HPGDS: variants seen among roughly 807,000 people sequenced by gnomAD.
HPGDS encodes GST class-sigma.
In HPGDS, 26 loss-of-function variants were observed where a neutral mutation model predicts 23.1. The observed-to-expected ratio is 1.13, with a 90% CI of 0.83 to 1.56. HPGDS has a LOEUF of 1.56. Ranked by LOEUF, HPGDS falls within the 40% of genes most tolerant of loss-of-function variation. The pLI is 0.00. For synonymous variants in HPGDS, 95 were observed against 77.9 expected (o/e 1.22, Z -1.16); for missense variants, 268 against 236.4 (o/e 1.13, Z -0.88).
intron 5 of HPGDS, among the ~76,000 whole-genome samples, chr4:94,299,977 G>A (rs1301684170): frequency 2.6e-5 from 4 of 152,048 alleles, no homozygotes; most frequent in South Asian, 2.1e-4. Context: ...TAACCAATAC[G>A]TATTTTTCCA....
intron 4 of HPGDS, among the ~76,000 whole-genome samples, chr4:94,306,300 C>T (rs1579426820): frequency 6.6e-6 from 1 of 152,114 alleles, no homozygotes; most frequent in East Asian, 1.9e-4. Flanking sequence ...ATAAAGACGT[C>T]TATTTAGAAT....
intron 2 of HPGDS, among the ~76,000 whole-genome samples, chr4:94,325,565 C>T (rs1216385540): frequency 6.6e-6 from 1 of 152,150 alleles, no homozygotes; most frequent in East Asian, 1.9e-4. Flanking sequence ...GAGCAAGGCT[C>T]CGTGGGCATG....
chr4:94,324,438 T>C (rs1756586410), intron 2 of HPGDS, among the ~76,000 whole-genome samples: 1 of 152,230 alleles, frequency 6.6e-6, no homozygotes, highest in African/African-American at 2.4e-5. Flanking sequence ...CGCATGTTTC[T>C]TGGAGACTTT....
At chr4:94,308,838 A>G in intron 3 of HPGDS, 95 bp from the exon 4 acceptor site, 1 of 623,166 alleles carries the variant, frequency 1.6e-6, no homozygotes, top group Non-Finnish European at 2.8e-6. Flanking sequence ...TGAAAATTCA[A>G]AGAGTGTAAA....
rs370313850 is a variant in HPGDS at position 94,306,470 on chromosome 4, G to A, written c.336+2164C>T. ...AAGCTAGTAAGCAGATGGGTGAATG[G>A]CACCTGTGAAGGGAAAGCCAAGAAC... On this transcript the variant is annotated intron_variant, in intron 4 of 5. Coordinates refer to ENST00000295256, the MANE Select transcript of HPGDS (RefSeq NM_014485.3). Among the ~76,000 whole-genome samples, 6 of 152,086 alleles carry A rather than the reference G, an allele frequency of 3.9e-5. No homozygotes were observed. The East Asian group carries it at 7.7e-4, about 20-fold the overall frequency.
intron 2 of HPGDS, among the ~76,000 whole-genome samples, chr4:94,330,610 C>G (rs2126044764): frequency 6.6e-6 from 1 of 152,100 alleles, no homozygotes; most frequent in Admixed American, 6.5e-5. Flanking sequence ...AATTAGTCTC[C>G]CTTCTATTTT....
chr4:94,331,522 A>G (rs1756736475), intron 2 of HPGDS, among the ~76,000 whole-genome samples: 1 of 152,198 alleles, frequency 6.6e-6, no homozygotes, highest in African/African-American at 2.4e-5. Flanking sequence ...GGGCTTGCCA[A>G]CAGATTGGGC....
intron 4 of HPGDS, among the ~76,000 whole-genome samples, chr4:94,305,227 T>A (rs1272356105): frequency 1.3e-5 from 2 of 151,984 alleles, no homozygotes; most frequent in Non-Finnish European, 2.9e-5. Flanking sequence ...AAATAGGGAG[T>A]TAAGTGACAG....
At chr4:94,307,767 GA>G (rs1280107844) in intron 4 of HPGDS, among the ~76,000 whole-genome samples, 1 of 152,084 alleles carries the variant, frequency 6.6e-6, no homozygotes, top group Non-Finnish European at 1.5e-5. Flanking sequence ...CAGTAAAAGT[GA>G]AAAGAAGCAA....
Position 94,323,718 on chromosome 4 carries a change from G to A in HPGDS, c.134-5753C>T, listed in dbSNP as rs922479852. 7.9e-5 allele frequency among the ~76,000 whole-genome samples: 12 copies of A among 152,112 alleles called. No individual in the cohort carries two copies. The South Asian group carries it at 1.0e-3, about 13-fold the overall frequency. ...CTGATGGGTCTTGAGTCTTTATCCAGTTTGCCAGTCTGTGTCTTTTAATTG... is the reference window on the plus strand; with the variant it reads ...CTGATGGGTCTTGAGTCTTTATCCAATTTGCCAGTCTGTGTCTTTTAATTG... On this transcript the variant is annotated intron_variant, in intron 2 of 5. Transcript: ENST00000295256.
At chr4:94,312,960 C>T (rs1297219904) in intron 3 of HPGDS, among the ~76,000 whole-genome samples, 96 of 145,218 alleles carry the variant, frequency 6.6e-4, no homozygotes, top group Admixed American at 1.0e-3. Context: ...GATTGCAACC[C>T]CTGCTTTTTT....
At chr4:94,342,357 T>TA (rs1181474634) in intron 1 of HPGDS, among the ~76,000 whole-genome samples, 2 of 152,136 alleles carry the variant, frequency 1.3e-5, no homozygotes, top group Non-Finnish European at 2.9e-5. Flanking sequence ...TGCCTTAAAA[T>TA]AATATAAAAT....
At chr4:94,331,075 G>C (rs1485659841) in intron 2 of HPGDS, among the ~76,000 whole-genome samples, 1 of 152,196 alleles carries the variant, frequency 6.6e-6, no homozygotes, top group African/African-American at 2.4e-5. Context: ...AACACAGTTT[G>C]AACACTCAGC....
At chr4:94,331,230 A>G (rs1756730702) in intron 2 of HPGDS, among the ~76,000 whole-genome samples, 1 of 152,208 alleles carries the variant, frequency 6.6e-6, no homozygotes. Flanking sequence ...ATATAGTAGT[A>G]CAGAGTCCTT....
At chr4:94,328,669 T>C (rs1756682337) in intron 2 of HPGDS, among the ~76,000 whole-genome samples, 1 of 152,264 alleles carries the variant, frequency 6.6e-6, no homozygotes, top group South Asian at 2.1e-4. Flanking sequence ...TCAAGTTTTG[T>C]AAATCACTTT....
intron 2 of HPGDS, among the ~76,000 whole-genome samples, chr4:94,321,385 C>T (rs1182876935): frequency 6.6e-6 from 1 of 152,144 alleles, no homozygotes; most frequent in East Asian, 1.9e-4. Context: ...TTGATTCTTC[C>T]TACCCATGAG....
chr4:94,321,358 T>C (rs1054377475), intron 2 of HPGDS, among the ~76,000 whole-genome samples: 1 of 152,200 alleles, frequency 6.6e-6, no homozygotes, highest in Non-Finnish European at 1.5e-5. Context: ...TTGGGCAGTA[T>C]GGCCATTTTC....
At chr4:94,334,397 C>A (rs1367057350) in intron 2 of HPGDS, 100 bp downstream of exon 2, 1 of 1,086,042 alleles carries the variant, frequency 9.2e-7, no homozygotes, top group Non-Finnish European at 1.3e-6. Flanking sequence ...TTTAAAGCTA[C>A]ATGAGCTTCG....
chr4:94,301,069 G>A (rs11938113), intron 5 of HPGDS, among the ~76,000 whole-genome samples: 1 of 152,112 alleles, frequency 6.6e-6, no homozygotes, highest in Non-Finnish European at 1.5e-5. Flanking sequence ...TTTAGTAAAG[G>A]CTATGAGGGG....
Sources: allele counts gnomAD v4.1 joint callset (sites outside exome capture counted in the v4.1 genomes callset), GRCh38; gene constraint gnomAD v4.1.1; transcripts MANE v1.5; gene names NCBI Gene and HGNC (gene_info 2026-07-23, HGNC 2026-07-21).